Variants in EHHADH observed in about 807,000 individuals in gnomAD.
EHHADH encodes the protein enoyl-CoA hydratase and 3-hydroxyacyl CoA dehydrogenase.
EHHADH carries 48 observed loss-of-function variants against 64.4 expected under a neutral mutation model. The observed-to-expected ratio is 0.75, with a 90% CI of 0.59 to 0.95. The LOEUF (loss-of-function observed/expected upper bound fraction) is 0.95. Ranked by LOEUF, EHHADH falls within the 40% of genes least tolerant of loss-of-function variation. The pLI is 0.00. For synonymous variants in EHHADH, 308 were observed against 326.7 expected (o/e 0.94, Z 0.62); for missense variants, 854 against 876.6 (o/e 0.97, Z 0.33).
At chr3:185,215,932 C>A (rs780000965) in intron 5 of EHHADH, among the ~76,000 whole-genome samples, 3 of 151,882 alleles carry the variant, frequency 2.0e-5, no homozygotes, top group Non-Finnish European at 2.9e-5. Context: ...ATTTTTATAT[C>A]ACAATTTTAC....
At chr3:185,226,650 CAAAAAAA>C (rs59522852) in intron 4 of EHHADH, among the ~76,000 whole-genome samples, 1 of 133,296 alleles carries the variant, frequency 7.5e-6, no homozygotes, top group Non-Finnish European at 1.5e-5. Flanking sequence ...ACTCCATCTC[CAAAAAAA>C]AAAAAAAAAA....
At chr3:185,239,167 T>G (rs369247742) in intron 2 of EHHADH, among the ~76,000 whole-genome samples, 2 of 152,216 alleles carry the variant, frequency 1.3e-5, no homozygotes, top group Non-Finnish European at 2.9e-5. Context: ...ATCAGTACCA[T>G]GCTGGTTTGG....
In EHHADH at chr3:185,204,665, G is replaced by A. The variant is rs751289858; in HGVS notation, c.661C>T (p.Arg221Trp). ...GCAAGACACCCAGGGTGCTGCCTCC[G>A]CATCTTCAAGAGGGCCTCACTAAAA... ...SIFSEALLKM[R>W]RQHPGCLAQE... The change falls in exon 6 of 7, where the codon CGG (arginine) becomes TGG (tryptophan). Residue 221 changes from arginine (R) to tryptophan (W), a missense_variant. Physicochemically the swap from Arg to Trp is moderately radical, Grantham distance 101. Transcript: ENST00000231887. The A allele has an allele frequency of 1.5e-5, 25 of 1,614,210 alleles. 1 individual carries two copies. Among genetic ancestry groups the A allele is most frequent in the Middle Eastern group, 1.6e-4 (1 of 6,062 alleles).
At chr3:185,196,554 C>T (rs1174926090) in intron 6 of EHHADH, among the ~76,000 whole-genome samples, 8 of 151,990 alleles carry the variant, frequency 5.3e-5, no homozygotes, top group Non-Finnish European at 7.4e-5. Context: ...GCAGGAGAAT[C>T]GTTTGAACCT....
chr3:185,237,072 ACTATATTCTT>A (rs1233383663), intron 2 of EHHADH, among the ~76,000 whole-genome samples: 2 of 152,208 alleles, frequency 1.3e-5, no homozygotes, highest in African/African-American at 4.8e-5. Context: ...TAAAAGCTAT[ACTATATTCTT>A]CTACTTACAG....
chr3:185,205,173 A>G (rs1718353053), intron 5 of EHHADH, among the ~76,000 whole-genome samples: 1 of 151,990 alleles, frequency 6.6e-6, no homozygotes, highest in South Asian at 2.1e-4. Flanking sequence ...ATTTTTAAAA[A>G]TTATTTCAGC....
intron 5 of EHHADH, among the ~76,000 whole-genome samples, chr3:185,211,196 T>A (rs1230907404): frequency 6.6e-6 from 1 of 152,228 alleles, no homozygotes; most frequent in East Asian, 1.9e-4. Context: ...ATTTCTTGTA[T>A]ACTTGGTAGT....
chr3:185,246,786 T>G (rs1577378158), intron 2 of EHHADH, among the ~76,000 whole-genome samples: 1 of 152,302 alleles, frequency 6.6e-6, no homozygotes, highest in Non-Finnish European at 1.5e-5. Context: ...TTGATTAGGG[T>G]GTATTTTACG....
chr3:185,201,070 C>A (rs1186137534), intron 6 of EHHADH, among the ~76,000 whole-genome samples: 1 of 151,856 alleles, frequency 6.6e-6, no homozygotes, highest in Non-Finnish European at 1.5e-5. Flanking sequence ...AAGAAAGATA[C>A]AAGGAAAGAT....
chr3:185,243,123 G>A (rs1038002873), intron 2 of EHHADH, among the ~76,000 whole-genome samples: 1 of 152,162 alleles, frequency 6.6e-6, no homozygotes, highest in Non-Finnish European at 1.5e-5. Context: ...CCACAAACTA[G>A]ACCTCCAGTT....
At position 185,218,137 on chromosome 3, in the gene EHHADH, T is replaced by C; in HGVS notation, c.567A>G (p.Ser189=). The change falls in exon 5 of 7, where the codon TCA becomes TCG. Residue 189 remains serine (S), a splice_region_variant and synonymous_variant. Coordinates refer to ENST00000231887, the MANE Select transcript of EHHADH (RefSeq NM_001966.4). ...CTATTTTTATTATTATCTTCTTACC[T>C]GAAACTCTCTGAGCAAATCTGATTG... ...EEAIRFAQRV[S]DQPLESRRLC... is the part of the protein sequence containing the mutation. 1.9e-6 allele frequency: 3 copies of C among 1,596,686 alleles called. No homozygotes were observed. The highest frequency in any genetic ancestry group is 2.2e-5 in the South Asian group (2 of 89,698).
intron 4 of EHHADH, 148 bp downstream of exon 4, chr3:185,229,284 T>C (rs1719088876): frequency 2.4e-6 from 1 of 409,898 alleles, no homozygotes; most frequent in Non-Finnish European, 4.3e-6. Flanking sequence ...TAGTTCTCCA[T>C]ATTACAGATC....
chr3:185,209,559 A>C (rs1718484551), intron 5 of EHHADH, among the ~76,000 whole-genome samples: 1 of 152,230 alleles, frequency 6.6e-6, no homozygotes, highest in Non-Finnish European at 1.5e-5. Context: ...GAGCAGTTTC[A>C]CCATAAAAAG....
chr3:185,240,857 ATAAG>A (rs764894822), intron 2 of EHHADH, among the ~76,000 whole-genome samples: 5 of 151,970 alleles, frequency 3.3e-5, no homozygotes, highest in Non-Finnish European at 7.4e-5. Context: ...GTTTGGTTAC[ATAAG>A]TAACTTCTTT....
At chr3:185,206,426 G>C (rs1221443267) in intron 5 of EHHADH, among the ~76,000 whole-genome samples, 1 of 152,070 alleles carries the variant, frequency 6.6e-6, no homozygotes, top group Non-Finnish European at 1.5e-5. Flanking sequence ...CTTGGGGTTA[G>C]GCAAAGTATT....
Position 185,192,848 on chromosome 3 carries a change from C to A in EHHADH, c.1550G>T (p.Gly517Val). The A allele has an allele frequency of 6.2e-7, 1 of 1,614,128 alleles. No homozygotes were observed. The highest frequency in any genetic ancestry group is 8.5e-7 in the Non-Finnish European group (1 of 1,180,030). The change falls in exon 7 of 7, where the codon GGA (glycine) becomes GTA (valine). Residue 517 changes from glycine to valine, a missense_variant. Transcript: ENST00000231887. ...QVLEEFGFKM[G>V]PFRVSDLAGL... ...AGCAAGATCAGACACTCTAAAAGGTCCCATTTTAAAACCAAACTCTTCCAG... is the reference window on the plus strand; with the variant it reads ...AGCAAGATCAGACACTCTAAAAGGTACCATTTTAAAACCAAACTCTTCCAG...
chr3:185,220,855 A>AT (rs1718813333), intron 4 of EHHADH, among the ~76,000 whole-genome samples: 1 of 151,894 alleles, frequency 6.6e-6, no homozygotes, highest in Non-Finnish European at 1.5e-5. Context: ...AACCTTTACA[A>AT]TTTTTTTCCA....
intron 5 of EHHADH, among the ~76,000 whole-genome samples, chr3:185,209,115 C>T (rs796535545): frequency 6.6e-6 from 1 of 152,212 alleles, no homozygotes; most frequent in African/African-American, 2.4e-5. Flanking sequence ...GCTGCACAAT[C>T]TATAAGGCAA....
At chr3:185,221,574 T>C (rs2108639284) in intron 4 of EHHADH, among the ~76,000 whole-genome samples, 1 of 80,298 alleles carries the variant, frequency 1.2e-5, no homozygotes, top group South Asian at 3.7e-4. Flanking sequence ...GATATTTTTT[T>C]TTCTTTTTTT....
Sources: gnomAD v4.1 joint callset for allele counts (sites outside exome capture counted in the v4.1 genomes callset) on GRCh38, gnomAD v4.1.1 for gene constraint, MANE v1.5 for transcripts, NCBI Gene and HGNC (gene_info 2026-07-23, HGNC 2026-07-21) for gene names.